The following GBE1 variants were observed in gnomAD, a reference collection of about 807,000 sequenced individuals.
GBE1 encodes the protein 1,4-alpha-glucan branching enzyme 1.
In GBE1, 70 loss-of-function variants were observed where a neutral mutation model predicts 88.8. The ratio of observed to expected loss-of-function variants is 0.79; its 90% CI spans 0.65 to 0.96. The LOEUF is 0.96. Among genes scored for constraint, GBE1 ranks in the 40% least tolerant of loss-of-function variants. The probability of loss-of-function intolerance (pLI) is 0.00; values close to 1 mark genes in which losing one functional copy is unlikely to be tolerated. For missense variants in GBE1, 872 were observed against 871.0 expected (o/e 1.00, Z -0.01); for synonymous variants, 284 against 300.1 (o/e 0.95, Z 0.56).
intron 14 of GBE1, among the ~76,000 whole-genome samples, chr3:81,508,553 A>C (rs890402716): frequency 4.3e-4 from 66 of 152,186 alleles, no homozygotes; most frequent in Non-Finnish European, 7.9e-4. Flanking sequence ...TTTTTAAAAA[A>C]AATTGTGCTT....
At chr3:81,492,628 T>TCTTC (rs1196476488) in intron 15 of GBE1, among the ~76,000 whole-genome samples, 1 of 151,938 alleles carries the variant, frequency 6.6e-6, no homozygotes, top group Non-Finnish European at 1.5e-5. Context: ...TTTCCTTTTC[T>TCTTC]CTTCCTTCCT....
At chr3:81,502,915 G>T (rs1702608437) in intron 14 of GBE1, among the ~76,000 whole-genome samples, 1 of 152,022 alleles carries the variant, frequency 6.6e-6, no homozygotes, top group Non-Finnish European at 1.5e-5. Context: ...CCAATACATA[G>T]CACACAAAAT....
chr3:81,593,013 C>G (rs1226152107), intron 8 of GBE1, among the ~76,000 whole-genome samples: 2 of 150,102 alleles, frequency 1.3e-5, no homozygotes, highest in Non-Finnish European at 2.9e-5. Flanking sequence ...TTTTTCACCC[C>G]CTTTGTTTTT....
intron 14 of GBE1, among the ~76,000 whole-genome samples, chr3:81,502,126 TA>T (rs1702594816): frequency 6.6e-6 from 1 of 152,132 alleles, no homozygotes; most frequent in Non-Finnish European, 1.5e-5. Context: ...TCCATCATTT[TA>T]CATGCTTTTC....
intron 2 of GBE1, among the ~76,000 whole-genome samples, chr3:81,702,968 A>T (rs1413711504): frequency 6.6e-6 from 1 of 152,030 alleles, no homozygotes. Flanking sequence ...ATGTTTATAG[A>T]AACTATTAAG....
intron 7 of GBE1, among the ~76,000 whole-genome samples, chr3:81,633,288 G>T (rs539127958): frequency 2.0e-5 from 3 of 152,196 alleles, no homozygotes; most frequent in African/African-American, 7.2e-5. Context: ...AGTGTGTAAT[G>T]AGCCCTTCAC....
chr3:81,725,544 T>C (rs1366142621), intron 1 of GBE1, among the ~76,000 whole-genome samples: 1 of 152,134 alleles, frequency 6.6e-6, no homozygotes, highest in African/African-American at 2.4e-5. Context: ...ATAGTAGTAG[T>C]ACACTGTAAA....
Position 81,721,229 on chromosome 3 carries a change from A to T in GBE1, c.144-15616T>A, listed in dbSNP as rs1231570724. Among the ~76,000 whole-genome samples, 206 of 103,074 alleles carry T rather than the reference A, an allele frequency of 2.0e-3. 5 individuals carry two copies. Among genetic ancestry groups the T allele is most frequent in the Non-Finnish European group, 8.5e-4 (46 of 54,280 alleles). The allele number at this position is 103,074 out of a possible 152,430, so 67.6% of individuals were successfully genotyped here. On this transcript the variant is annotated intron_variant, in intron 1 of 15. Coordinates refer to ENST00000429644, the MANE Select transcript of GBE1 (RefSeq NM_000158.4). ...AAAATAAATAAATAAATAAATAAAT[A>T]AATAAAAACACATGAAAAAAAAAAA... is the stretch of plus-strand genomic sequence containing the variant.
At chr3:81,658,409 A>G (rs1048058043) in intron 3 of GBE1, among the ~76,000 whole-genome samples, 22 of 152,278 alleles carry the variant, frequency 1.4e-4, no homozygotes, top group African/African-American at 4.8e-4. Flanking sequence ...GACAACACCA[A>G]TTAGAGAATT....
At chr3:81,575,164 C>CAA (rs760005850) in intron 12 of GBE1, among the ~76,000 whole-genome samples, 4 of 85,954 alleles carry the variant, frequency 4.7e-5, no homozygotes, top group Admixed American at 1.3e-4. Context: ...GACTCCATCT[C>CAA]AAAAAAAAAA....
intron 1 of GBE1, among the ~76,000 whole-genome samples, chr3:81,750,561 A>ATG (rs57756683): frequency 1.2e-5 from 1 of 81,988 alleles, no homozygotes; most frequent in African/African-American, 6.4e-5. Context: ...GTATATATAT[A>ATG]TGTATATATA....
chr3:81,635,899 T>C (rs1223507803), intron 7 of GBE1, among the ~76,000 whole-genome samples: 2 of 152,170 alleles, frequency 1.3e-5, no homozygotes, highest in African/African-American at 4.8e-5. Flanking sequence ...AGTTTGGATT[T>C]GAGAAGGTGA....
intron 7 of GBE1, among the ~76,000 whole-genome samples, chr3:81,641,551 A>C (rs776403939): frequency 5.9e-5 from 9 of 152,088 alleles, no homozygotes; most frequent in Non-Finnish European, 1.2e-4. Context: ...CTCCTTCTAT[A>C]ATAAAAAGCC....
intron 7 of GBE1, among the ~76,000 whole-genome samples, chr3:81,619,992 A>C (rs1704302965): frequency 6.6e-6 from 1 of 152,002 alleles, no homozygotes; most frequent in Admixed American, 6.6e-5. Context: ...TTATGAGCTA[A>C]AATATCTCCA....
chr3:81,521,485 A>G (rs1021607014), intron 14 of GBE1, among the ~76,000 whole-genome samples: 1 of 151,600 alleles, frequency 6.6e-6, no homozygotes, highest in Non-Finnish European at 1.5e-5. Flanking sequence ...AATATTTTGT[A>G]TATCTGAATT....
intron 2 of GBE1, among the ~76,000 whole-genome samples, chr3:81,691,582 G>GC (rs1705522459): frequency 1.3e-5 from 2 of 152,012 alleles, no homozygotes; most frequent in South Asian, 4.2e-4. Flanking sequence ...TTCGACACCA[G>GC]CCTAGGCAAC....
At chr3:81,636,426 G>A (rs1342791878) in intron 7 of GBE1, among the ~76,000 whole-genome samples, 1 of 152,142 alleles carries the variant, frequency 6.6e-6, no homozygotes, top group East Asian at 1.9e-4. Flanking sequence ...TGAAGAACAG[G>A]CTATAAGTTA....
intron 7 of GBE1, among the ~76,000 whole-genome samples, chr3:81,635,017 AAC>A (rs1704572244): frequency 6.6e-6 from 1 of 152,138 alleles, no homozygotes. Flanking sequence ...CACTGTTCTT[AAC>A]ACAGTGTTAA....
intron 2 of GBE1, among the ~76,000 whole-genome samples, chr3:81,690,539 A>C (rs943598480): frequency 1.3e-5 from 2 of 152,222 alleles, no homozygotes; most frequent in Admixed American, 6.5e-5. Context: ...ATGCCTGTTT[A>C]AAACTACAAT....
Sources: gnomAD v4.1 joint callset for allele counts (sites outside exome capture counted in the v4.1 genomes callset) on GRCh38, gnomAD v4.1.1 for gene constraint, MANE v1.5 for transcripts, NCBI Gene and HGNC (gene_info 2026-07-23, HGNC 2026-07-21) for gene names.